Variants in EGFLAM observed in about 807,000 individuals in gnomAD.
EGFLAM encodes pikachurin.
In EGFLAM, 79 loss-of-function variants were observed where a neutral mutation model predicts 113.1. The ratio of observed to expected loss-of-function variants is 0.70; its 90% CI spans 0.58 to 0.84. The LOEUF is 0.84. Among genes scored for constraint, EGFLAM ranks in the 40% least tolerant of loss-of-function variants. The pLI is 0.00. For synonymous variants in EGFLAM, 504 were observed against 487.6 expected, an observed-to-expected ratio of 1.03 and a Z score of -0.44; for missense variants, 1,265 against 1,291.6, an observed-to-expected ratio of 0.98 and a Z score of 0.32.
rs545316137 is a variant in EGFLAM at position 38,427,196 on chromosome 5, G to C, written c.1998G>C (p.Leu666Phe). The C allele has an allele frequency of 1.1e-5, 18 of 1,614,186 alleles. No homozygotes were observed. The African/African-American group carries it at 2.1e-4, about 19-fold the overall frequency. Reference protein sequence around the residue: ...TGSKDFLSINLAGGHVEFRFD... With the variant: ...TGSKDFLSINFAGGHVEFRFD... ...GCAAAGACTTCCTGTCCATCAACTT[G>C]GCAGGGGGCCACGTGGAGTTCCGCT... Residue 666 changes from leucine to phenylalanine, a missense_variant, in exon 14 of 22, where the codon TTG becomes TTC. Physicochemically the swap from Leu to Phe is conservative, Grantham distance 22. Transcript: ENST00000322350.
chr5:38,405,367 T>A (rs1270149475), intron 6 of EGFLAM, among the ~76,000 whole-genome samples: 1 of 152,184 alleles, frequency 6.6e-6, no homozygotes, highest in African/African-American at 2.4e-5. Context: ...TTAAATTACA[T>A]ATATATGTAT....
chr5:38,290,835 A>AGG (rs1758308673), intron 1 of EGFLAM: 1 of 152,544 alleles, frequency 6.6e-6, no homozygotes, highest in Non-Finnish European at 1.5e-5. Context: ...TAATCCCAGC[A>AGG]CTTTGGGAGG....
chr5:38,459,644 G>A (rs1448519623), intron 20 of EGFLAM, among the ~76,000 whole-genome samples: 2 of 152,206 alleles, frequency 1.3e-5, no homozygotes, highest in Non-Finnish European at 2.9e-5. Context: ...AAGCCAGTGG[G>A]TAAAGTCATG....
intron 11 of EGFLAM, 44 bp from the exon 12 acceptor site, chr5:38,418,022 T>C (rs1322074548): frequency 6.4e-7 from 1 of 1,563,850 alleles, no homozygotes; most frequent in East Asian, 2.3e-5. Flanking sequence ...TGGCTTTTGA[T>C]TTTGTTTAGT....
Position 38,435,031 on chromosome 5 carries a change from G to T in EGFLAM, c.2167-106G>T, listed in dbSNP as rs184859297. ...ACAGATTGTCATGATGGGTCTCTAG[G>T]CTCTGTCTACCATTTTGTTCCCCAA... is the stretch of plus-strand genomic sequence containing the variant. On this transcript the variant is annotated intron_variant, in intron 15 of 21. Coordinates refer to ENST00000322350, the MANE Select transcript of EGFLAM (RefSeq NM_152403.4). 675 of 881,650 alleles carry T rather than the reference G, an allele frequency of 7.7e-4. 1 individual carries two copies. The African/African-American group carries it at 8.9e-3, about 12-fold the overall frequency. The allele number at this position is 881,650 out of a possible 1,614,324, so 54.6% of individuals were successfully genotyped here.
intron 20 of EGFLAM, among the ~76,000 whole-genome samples, chr5:38,460,689 C>T (rs1037893520): frequency 6.6e-6 from 1 of 152,164 alleles, no homozygotes; most frequent in Non-Finnish European, 1.5e-5. Flanking sequence ...CCAGCAGATA[C>T]TGTGAGTTGT....
intron 17 of EGFLAM, among the ~76,000 whole-genome samples, chr5:38,444,639 G>T (rs1434072341): frequency 6.6e-6 from 1 of 152,000 alleles, no homozygotes; most frequent in Non-Finnish European, 1.5e-5. Flanking sequence ...TAGGTATAGG[G>T]TTAGGTTAAA....
chr5:38,275,198 TA>T (rs1205636083), intron 1 of EGFLAM, among the ~76,000 whole-genome samples: 2 of 152,122 alleles, frequency 1.3e-5, no homozygotes, highest in Admixed American at 6.5e-5. Flanking sequence ...AAAACAATTT[TA>T]AAATGGTGGT....
At position 38,338,649 on chromosome 5, in the gene EGFLAM, T is replaced by C. The variant is rs572177765; in HGVS notation, c.208-49T>C. 3 of 1,580,792 alleles carry C rather than the reference T, an allele frequency of 1.9e-6. No homozygotes were observed. The South Asian group carries it at 3.3e-5, about 18-fold the overall frequency. ...TGAGTGCAATTACAACCTTTGATCTTACACAAGCACGGGCTCTGCTCTCAC... is the reference window on the plus strand; with the variant it reads ...TGAGTGCAATTACAACCTTTGATCTCACACAAGCACGGGCTCTGCTCTCAC... On this transcript the variant is annotated intron_variant, in intron 2 of 21. Transcript: ENST00000322350.
chr5:38,287,462 C>T (rs1435676726), intron 1 of EGFLAM, among the ~76,000 whole-genome samples: 3 of 152,152 alleles, frequency 2.0e-5, no homozygotes, highest in Non-Finnish European at 2.9e-5. Flanking sequence ...ACCTCTGCCT[C>T]CTGGACTCAA....
At chr5:38,431,373 T>C in intron 15 of EGFLAM, 85 bp downstream of exon 15, 1 of 1,381,230 alleles carries the variant, frequency 7.2e-7, no homozygotes, top group Non-Finnish European at 1.0e-6. Context: ...AGCAGCAGAG[T>C]GTTCTGGTTA....
chr5:38,274,401 T>C (rs1003151140), intron 1 of EGFLAM, among the ~76,000 whole-genome samples: 3 of 152,106 alleles, frequency 2.0e-5, no homozygotes, highest in Non-Finnish European at 4.4e-5. Context: ...TCAGGACATA[T>C]TATAATCGAA....
At chr5:38,426,967 T>G (rs1380526952) in intron 13 of EGFLAM, 42 bp from the exon 14 acceptor site, 2 of 1,606,568 alleles carry the variant, frequency 1.2e-6, no homozygotes, top group African/African-American at 2.7e-5. Context: ...CTGGCCAGTT[T>G]CTGCCACAGA....
chr5:38,424,271 G>A (rs1020568926), intron 12 of EGFLAM, among the ~76,000 whole-genome samples: 2 of 152,196 alleles, frequency 1.3e-5, no homozygotes, highest in Non-Finnish European at 2.9e-5. Flanking sequence ...TCTCTGATCT[G>A]TTTGGTGAAG....
chr5:38,409,810 C>T (rs542383047), intron 10 of EGFLAM, among the ~76,000 whole-genome samples: 49 of 152,302 alleles, frequency 3.2e-4, no homozygotes, highest in African/African-American at 9.1e-4. Context: ...CTGCCCTCAT[C>T]GTTTCTCCCC....
At chr5:38,377,115 A>G (rs1740387045) in intron 6 of EGFLAM, among the ~76,000 whole-genome samples, 1 of 145,366 alleles carries the variant, frequency 6.9e-6, no homozygotes, top group South Asian at 2.2e-4. Flanking sequence ...AACTTGTTCA[A>G]CGTTGTGTTC....
chr5:38,262,992 G>GTT (rs140611892), intron 1 of EGFLAM, among the ~76,000 whole-genome samples: 5 of 151,408 alleles, frequency 3.3e-5, no homozygotes, highest in African/African-American at 1.2e-4. Context: ...ACTTGGTAGA[G>GTT]TTTTTTTTTG....
chr5:38,420,354 T>C (rs112293517), intron 12 of EGFLAM, among the ~76,000 whole-genome samples: 1,675 of 152,350 alleles, frequency 0.011, 40 homozygotes, highest in African/African-American at 0.038. Context: ...ATTAAAGCTG[T>C]CACTATGGTA....
At chr5:38,376,446 A>G (rs189058820) in intron 6 of EGFLAM, among the ~76,000 whole-genome samples, 274 of 152,364 alleles carry the variant, frequency 1.8e-3, no homozygotes, top group African/African-American at 6.3e-3. Flanking sequence ...TCCTCATGAT[A>G]TGAGCAGAGA....
Sources: allele counts gnomAD v4.1 joint callset (sites outside exome capture counted in the v4.1 genomes callset), GRCh38; gene constraint gnomAD v4.1.1; transcripts MANE v1.5; gene names NCBI Gene and HGNC (gene_info 2026-07-23, HGNC 2026-07-21).